Variants in NRXN1 observed in about 807,000 individuals in gnomAD.
The protein encoded by NRXN1 is neurexin-1.
Under a neutral mutation model 150.9 loss-of-function variants are expected in NRXN1, and 39 were observed. The ratio of observed to expected loss-of-function variants is 0.26; its 90% CI spans 0.20 to 0.34. The LOEUF is 0.34. Among genes scored for constraint, NRXN1 ranks in the 10% least tolerant of loss-of-function variants. The pLI, the probability that NRXN1 is intolerant of heterozygous loss-of-function variation, is 1.00. For missense variants in NRXN1, 1,815 were observed against 1,949.9 expected (o/e 0.93, Z 1.30); for synonymous variants, 924 against 757.0 (o/e 1.22, Z -3.62).
At chr2:50,516,799 C>T (rs978214415) in intron 12 of NRXN1, among the ~76,000 whole-genome samples, 2 of 152,012 alleles carry the variant, frequency 1.3e-5, no homozygotes, top group Non-Finnish European at 2.9e-5. Flanking sequence ...TAAGGACAGA[C>T]ACATTTCTTT....
chr2:50,896,572 C>T (rs538553053), intron 5 of NRXN1, among the ~76,000 whole-genome samples: 10 of 152,266 alleles, frequency 6.6e-5, no homozygotes, highest in African/African-American at 1.7e-4. Flanking sequence ...ATTGGCCAGG[C>T]GCAGTGGCTC....
chr2:50,904,887 T>C (rs977928934), intron 5 of NRXN1, among the ~76,000 whole-genome samples: 1 of 152,124 alleles, frequency 6.6e-6, no homozygotes, highest in South Asian at 2.1e-4. Flanking sequence ...TTCAGAAGCA[T>C]AATCCTTCTG....
At chr2:49,991,009 T>C (rs1457481946) in intron 21 of NRXN1, among the ~76,000 whole-genome samples, 5 of 152,094 alleles carry the variant, frequency 3.3e-5, no homozygotes, top group Non-Finnish European at 2.9e-5. Context: ...TTCCTACATA[T>C]AGAGTAAATA....
At position 50,358,301 on chromosome 2, in the gene NRXN1, C is replaced by G. The variant is rs546066657; in HGVS notation, c.3364+107141G>C. ...GGTCTTGCTCAGCGAATCCCACCCC[C>G]CTGGAGTCCAGCAAGCTAAGATCCA... On this transcript the variant is annotated intron_variant, in intron 17 of 22. Coordinates refer to ENST00000401669, the MANE Select transcript of NRXN1 (RefSeq NM_001330078.2). 3.2e-4 allele frequency among the ~76,000 whole-genome samples: 48 copies of G among 152,334 alleles called. No homozygotes were observed. The South Asian group carries it at 8.1e-3, about 26-fold the overall frequency.
intron 5 of NRXN1, among the ~76,000 whole-genome samples, chr2:50,629,902 A>G (rs1197851412): frequency 7.0e-6 from 1 of 143,078 alleles, no homozygotes; most frequent in Non-Finnish European, 1.5e-5. Flanking sequence ...TTGAAGATCC[A>G]TATCTTAAAT....
chr2:50,496,150 C>A (rs1160544287), intron 14 of NRXN1, 55 bp from the exon 15 acceptor site: 1 of 1,381,022 alleles, frequency 7.2e-7, no homozygotes, highest in Non-Finnish European at 1.0e-6. Context: ...TTTTGATGAA[C>A]CTAAAGTAGA....
chr2:50,190,210 C>T (rs865940188), intron 18 of NRXN1, among the ~76,000 whole-genome samples: 1 of 152,070 alleles, frequency 6.6e-6, no homozygotes, highest in African/African-American at 2.4e-5. Context: ...CAATTAAATA[C>T]CATTTTCCTT....
At chr2:50,868,670 T>C (rs1361819564) in intron 5 of NRXN1, among the ~76,000 whole-genome samples, 1 of 151,858 alleles carries the variant, frequency 6.6e-6, no homozygotes, top group Non-Finnish European at 1.5e-5. Flanking sequence ...TTGTAGACAA[T>C]TGATATTTGT....
chr2:49,956,172 T>C (rs1008289977), intron 21 of NRXN1, among the ~76,000 whole-genome samples: 4 of 152,102 alleles, frequency 2.6e-5, no homozygotes, highest in Non-Finnish European at 5.9e-5. Flanking sequence ...CCAGCCAGTA[T>C]AATCAGAAAA....
At chr2:50,505,198 G>C (rs564767195) in intron 13 of NRXN1, among the ~76,000 whole-genome samples, 2 of 151,794 alleles carry the variant, frequency 1.3e-5, no homozygotes, top group Non-Finnish European at 2.9e-5. Context: ...AGCAAGGGAC[G>C]GTAAGTCAAA....
chr2:50,597,263 T>G (rs1675399661), intron 8 of NRXN1, among the ~76,000 whole-genome samples: 1 of 152,186 alleles, frequency 6.6e-6, no homozygotes. Context: ...ACTGACCCTC[T>G]AGCCATATCA....
intron 2 of NRXN1, among the ~76,000 whole-genome samples, chr2:50,943,178 G>A (rs1443063143): frequency 6.6e-6 from 1 of 151,948 alleles, no homozygotes; most frequent in Non-Finnish European, 1.5e-5. Flanking sequence ...GTCTCCTGAG[G>A]CCTCCCAGCC....
intron 17 of NRXN1, among the ~76,000 whole-genome samples, chr2:50,410,583 G>C (rs1558683138): frequency 6.6e-6 from 1 of 152,096 alleles, no homozygotes; most frequent in Non-Finnish European, 1.5e-5. Context: ...TCAGTAAAAT[G>C]AATGAATGAA....
chr2:50,804,444 G>A (rs1175551527), intron 5 of NRXN1, among the ~76,000 whole-genome samples: 3 of 152,120 alleles, frequency 2.0e-5, no homozygotes, highest in African/African-American at 4.8e-5. Context: ...GTAATCGCTA[G>A]TACAATATAG....
chr2:50,397,937 A>G (rs1157114704), intron 17 of NRXN1, among the ~76,000 whole-genome samples: 1 of 152,158 alleles, frequency 6.6e-6, no homozygotes, highest in East Asian at 1.9e-4. Context: ...AAACCTTGCA[A>G]TGTTCTTAAA....
At chr2:50,745,613 G>A (rs183593141) in intron 5 of NRXN1, among the ~76,000 whole-genome samples, 126 of 152,232 alleles carry the variant, frequency 8.3e-4, no homozygotes, top group African/African-American at 2.9e-3. Context: ...ATAAAGGAAA[G>A]AGGTTTAATT....
At chr2:50,363,390 T>C (rs1292842410) in intron 17 of NRXN1, among the ~76,000 whole-genome samples, 2 of 151,894 alleles carry the variant, frequency 1.3e-5, no homozygotes, top group Non-Finnish European at 2.9e-5. Flanking sequence ...TAAACAAATT[T>C]ACAAGAAAAA....
chr2:50,199,353 G>C (rs2152831500), intron 18 of NRXN1: 1 of 152,104 alleles, frequency 6.6e-6, no homozygotes, highest in Admixed American at 6.6e-5. Context: ...GTTTGCTTCT[G>C]TTTAGTTAAC....
intron 5 of NRXN1, among the ~76,000 whole-genome samples, chr2:50,817,735 T>A (rs1221241224): frequency 6.6e-6 from 1 of 151,988 alleles, no homozygotes; most frequent in Non-Finnish European, 1.5e-5. Context: ...TACACCACAT[T>A]AGTAGAATAA....
Sources: allele counts gnomAD v4.1 joint callset (sites outside exome capture counted in the v4.1 genomes callset), GRCh38; gene constraint gnomAD v4.1.1; transcripts MANE v1.5; gene names NCBI Gene and HGNC (gene_info 2026-07-23, HGNC 2026-07-21).